The following HCLS1 variants were observed in gnomAD, a reference collection of about 807,000 sequenced individuals.
HCLS1 encodes hematopoietic cell-specific Lyn substrate 1.
HCLS1 carries 44 observed loss-of-function variants against 68.6 expected under a neutral mutation model. The ratio of observed to expected loss-of-function variants is 0.64; its 90% CI spans 0.50 to 0.82. The LOEUF (loss-of-function observed/expected upper bound fraction) is 0.82, where lower values mean the gene tolerates loss of function less well. Among genes scored for constraint, HCLS1 ranks in the 40% least tolerant of loss-of-function variants. The probability of loss-of-function intolerance (pLI) is 0.00; values close to 1 mark genes in which losing one functional copy is unlikely to be tolerated. For synonymous variants in HCLS1, 217 were observed against 225.8 expected (o/e 0.96, Z 0.35); for missense variants, 602 against 612.1 (o/e 0.98, Z 0.17).
chr3:121,659,474 G>A (rs1329301904), intron 1 of HCLS1, among the ~76,000 whole-genome samples: 2 of 152,062 alleles, frequency 1.3e-5, no homozygotes, highest in South Asian at 2.1e-4. Flanking sequence ...CCACTCCTCG[G>A]GTTCTCCTGT....
chr3:121,658,216 C>G, intron 2 of HCLS1, 48 bp downstream of exon 2: 1 of 1,434,844 alleles, frequency 7.0e-7, no homozygotes, highest in Non-Finnish European at 9.8e-7. Context: ...AGATGCCCTC[C>G]TCACCCCACC....
At chr3:121,640,106 G>T (rs574328450) in intron 6 of HCLS1, among the ~76,000 whole-genome samples, 112 of 152,162 alleles carry the variant, frequency 7.4e-4, no homozygotes, top group African/African-American at 2.6e-3. Context: ...TCTTACAGAA[G>T]TTAAAAAGAA....
At chr3:121,646,381 G>T (rs1397619225) in intron 4 of HCLS1, among the ~76,000 whole-genome samples, 4 of 43,562 alleles carry the variant, frequency 9.2e-5, no homozygotes, top group African/African-American at 2.1e-4. Flanking sequence ...TTATTACTAT[G>T]TAATATATTA....
At chr3:121,652,961 G>A (rs1055682885) in intron 3 of HCLS1, among the ~76,000 whole-genome samples, 7 of 152,284 alleles carry the variant, frequency 4.6e-5, no homozygotes, top group East Asian at 1.9e-4. Flanking sequence ...AGACTGAGCC[G>A]AATTCAAATT....
chr3:121,648,599 C>T (rs1287486450), intron 3 of HCLS1, among the ~76,000 whole-genome samples: 1 of 152,152 alleles, frequency 6.6e-6, no homozygotes, highest in African/African-American at 2.4e-5. Flanking sequence ...ACTTTACCAG[C>T]GCAGGACAAC....
intron 9 of HCLS1, 74 bp from the exon 10 acceptor site, chr3:121,634,492 G>T (rs1560137034): frequency 2.2e-6 from 3 of 1,359,376 alleles, no homozygotes; most frequent in East Asian, 4.6e-5. Context: ...CTTGAAGGAA[G>T]AAGGGGAATC....
intron 3 of HCLS1, among the ~76,000 whole-genome samples, chr3:121,653,286 T>G (rs1380433342): frequency 6.6e-6 from 1 of 152,180 alleles, no homozygotes; most frequent in Non-Finnish European, 1.5e-5. Context: ...TCATGTGGGC[T>G]TTCAAAAATT....
intron 3 of HCLS1, among the ~76,000 whole-genome samples, chr3:121,647,680 C>T (rs1440338043): frequency 6.6e-6 from 1 of 152,188 alleles, no homozygotes; most frequent in African/African-American, 2.4e-5. Flanking sequence ...GTTATTTGCT[C>T]ACTAAAATAA....
At chr3:121,642,887 G>T (rs1250714928) in intron 6 of HCLS1, 40 bp downstream of exon 6, 4 of 1,521,912 alleles carry the variant, frequency 2.6e-6, no homozygotes, top group Non-Finnish European at 3.6e-6. Flanking sequence ...AGAGCCTGCC[G>T]GTCAGATTGC....
At chr3:121,657,246 C>T (rs372909816) in intron 3 of HCLS1, 33 bp downstream of exon 3, 31 of 1,592,218 alleles carry the variant, frequency 1.9e-5, no homozygotes, top group Non-Finnish European at 2.5e-5. Context: ...TCCCATAACC[C>T]CCTTCCTTTT....
At chr3:121,650,503 A>C (rs1324702714) in intron 3 of HCLS1, among the ~76,000 whole-genome samples, 1 of 152,192 alleles carries the variant, frequency 6.6e-6, no homozygotes, top group Non-Finnish European at 1.5e-5. Flanking sequence ...TAGAGTCCAG[A>C]AATAGACCCA....
At chr3:121,636,327 C>A in intron 8 of HCLS1, 107 bp downstream of exon 8, 1 of 909,686 alleles carries the variant, frequency 1.1e-6, no homozygotes, top group Non-Finnish European at 1.8e-6. Flanking sequence ...CTCTGTGTGC[C>A]CAGCACCACC....
Position 121,632,477 on chromosome 3 carries a change from C to G in HCLS1, c.1095G>C (p.Glu365Asp). The G allele has an allele frequency of 1.2e-6, 2 of 1,613,808 alleles. No individual in the cohort carries two copies. The highest frequency in any genetic ancestry group is 1.1e-5 in the South Asian group (1 of 91,074). The change falls in exon 12 of 14, where the codon GAG becomes GAC. Residue 365 changes from glutamate (E) to aspartate (D), a missense_variant. Physicochemically the swap from Glu to Asp is conservative, Grantham distance 45. Transcript: ENST00000314583. ...EEEPVYEAEPEPEPEPEPEPE... is the reference protein window; with the variant it reads ...EEEPVYEAEPDPEPEPEPEPE... Reference sequence around the variant, plus strand: ...GCTCGGGCTCAGGCTCGGGCTCAGGCTCAGGCTCTGCTTCGTACACTGGCT... The same window carrying G: ...GCTCGGGCTCAGGCTCGGGCTCAGGGTCAGGCTCTGCTTCGTACACTGGCT...
At chr3:121,641,406 T>C (rs913603673) in intron 6 of HCLS1, among the ~76,000 whole-genome samples, 1 of 152,228 alleles carries the variant, frequency 6.6e-6, no homozygotes, top group African/African-American at 2.4e-5. Context: ...TGGAATATTT[T>C]AGCAAGAAGG....
intron 5 of HCLS1, chr3:121,643,414 C>T (rs946061029): frequency 4.2e-5 from 7 of 165,832 alleles, no homozygotes; most frequent in Admixed American, 2.8e-4. Context: ...GCTTTTCTTC[C>T]TAACGAATCC....
rs559182818 is a variant in HCLS1, at chr3:121,632,389, C to G, written c.1183G>C (p.Gly395Arg). ...DRHEQEDEPEGDYEEVLEPED... is the reference protein window; with the variant it reads ...DRHEQEDEPERDYEEVLEPED... The stretch of plus-strand genomic sequence containing the variant: ...GGCTCGAGCACCTCCTCATAGTCCC[C>G]CTCTGGTTCATCCTCCTGCTCATGC... The change falls in exon 12 of 14, where the codon GGG becomes CGG. Residue 395 changes from glycine (G) to arginine (R), a missense_variant. By Grantham distance (125) the Gly-to-Arg change is moderately radical. Transcript: ENST00000314583. 3 of 1,614,092 alleles carry G rather than the reference C, an allele frequency of 1.9e-6. No homozygotes were observed. The highest frequency in any genetic ancestry group is 1.1e-5 in the South Asian group (1 of 91,076).
chr3:121,634,459 G>A (rs1403181621), intron 9 of HCLS1, 41 bp from the exon 10 acceptor site: 2 of 1,590,036 alleles, frequency 1.3e-6, no homozygotes, highest in South Asian at 1.1e-5. Flanking sequence ...GTCTTGGATT[G>A]GAGAGTGGGG....
chr3:121,643,122 G>T, intron 5 of HCLS1, 141 bp from the exon 6 acceptor site: 1 of 676,510 alleles, frequency 1.5e-6, no homozygotes, highest in Non-Finnish European at 2.7e-6. Flanking sequence ...GTAGAAACAG[G>T]CTGGTATGGA....
chr3:121,641,286 A>AT (rs372267588), intron 6 of HCLS1, among the ~76,000 whole-genome samples: 3 of 152,344 alleles, frequency 2.0e-5, no homozygotes, highest in African/African-American at 7.2e-5. Flanking sequence ...AGACGATGAA[A>AT]TAAGATCTTC....
Sources: gnomAD v4.1 joint callset for allele counts (sites outside exome capture counted in the v4.1 genomes callset) on GRCh38, gnomAD v4.1.1 for gene constraint, MANE v1.5 for transcripts, NCBI Gene and HGNC (gene_info 2026-07-23, HGNC 2026-07-21) for gene names.